Variants in PKD1L1 observed in about 807,000 individuals in gnomAD.
The protein encoded by PKD1L1 is polycystin-1-like protein 1.
A neutral mutation model predicts 323.4 loss-of-function variants in PKD1L1; 236 were observed. The ratio of observed to expected loss-of-function variants is 0.73; its 90% CI spans 0.66 to 0.81. The LOEUF (loss-of-function observed/expected upper bound fraction) is 0.81, where lower values mean the gene tolerates loss of function less well. Among genes scored for constraint, PKD1L1 ranks in the 40% least tolerant of loss-of-function variants. The probability of loss-of-function intolerance (pLI) is 0.00; values close to 1 mark genes in which losing one functional copy is unlikely to be tolerated. For missense variants in PKD1L1, 3,320 were observed against 3,508.0 expected, an observed-to-expected ratio of 0.95 and a Z score of 1.35; for synonymous variants, 1,344 against 1,335.0, an observed-to-expected ratio of 1.01 and a Z score of -0.15.
intron 3 of PKD1L1, among the ~76,000 whole-genome samples, chr7:47,938,565 G>A (rs916030607): frequency 6.6e-6 from 1 of 152,206 alleles, no homozygotes; most frequent in Admixed American, 6.5e-5. Context: ...TGCCCAGCAC[G>A]TCCAGGAGCT....
chr7:47,879,632 CAAA>C (rs1254218793), intron 21 of PKD1L1, among the ~76,000 whole-genome samples: 1 of 58,724 alleles, frequency 1.7e-5, no homozygotes. Context: ...GACTTTGTCT[CAAA>C]AAAAAAAAAA....
intron 6 of PKD1L1, among the ~76,000 whole-genome samples, chr7:47,930,301 C>T (rs936788849): frequency 1.3e-5 from 2 of 151,470 alleles, no homozygotes; most frequent in South Asian, 2.1e-4. Context: ...GTCAGGAGAT[C>T]GAGACCATTC....
At chr7:47,955,824 G>A in the PKD1L1 span, among the ~76,000 whole-genome samples, 1 of 152,278 alleles carries the variant, frequency 6.6e-6, no homozygotes, top group South Asian at 2.1e-4. Flanking sequence ...ATTCCCAATA[G>A]CACTGTCCCA....
intron 52 of PKD1L1, among the ~76,000 whole-genome samples, chr7:47,805,182 GA>G (rs1449129639): frequency 1.3e-5 from 2 of 152,118 alleles, no homozygotes; most frequent in Non-Finnish European, 2.9e-5. Context: ...AAGACTTGAA[GA>G]AAGTTAAGAA....
At chr7:47,790,535 G>A (rs923363452) in intron 56 of PKD1L1, among the ~76,000 whole-genome samples, 20 of 151,614 alleles carry the variant, frequency 1.3e-4, no homozygotes, top group Admixed American at 1.2e-3. Flanking sequence ...GTTTCACTGT[G>A]TTAGCCAGGA....
intron 55 of PKD1L1, among the ~76,000 whole-genome samples, chr7:47,794,959 AC>A (rs1784485984): frequency 6.6e-6 from 1 of 152,036 alleles, no homozygotes. Context: ...CAATCCCTGT[AC>A]CCCCATTGTA....
chr7:47,802,453 C>T (rs773482343), intron 53 of PKD1L1, among the ~76,000 whole-genome samples: 4 of 152,190 alleles, frequency 2.6e-5, no homozygotes, highest in Non-Finnish European at 5.9e-5. Context: ...CTGGTTTGCT[C>T]AGCATGTTCC....
intron 52 of PKD1L1, 81 bp downstream of exon 52, chr7:47,808,166 T>A: frequency 6.5e-7 from 1 of 1,528,160 alleles, no homozygotes; most frequent in Non-Finnish European, 9.0e-7. Flanking sequence ...TCGCACCTTC[T>A]AGAGTTTGTG....
chr7:47,894,063 C>T lies in PKD1L1; in HGVS notation c.2272-4G>A, dbSNP rs768741618. The T allele has an allele frequency of 6.5e-7, 1 of 1,547,072 alleles. No homozygotes were observed. The highest frequency in any genetic ancestry group is 2.3e-5 in the East Asian group (1 of 43,542). ...CCACACTGCCTTCAATCTGAACCTGCAGGGGCAAGGAAGGACAGGGGATGT... is the reference window on the plus strand; with the variant it reads ...CCACACTGCCTTCAATCTGAACCTGTAGGGGCAAGGAAGGACAGGGGATGT... On this transcript the variant is annotated splice_polypyrimidine_tract_variant and splice_region_variant and intron_variant, in intron 14 of 56. Transcript: ENST00000289672.
chr7:47,827,311 G>A lies in PKD1L1; in HGVS notation c.6854+39C>T, dbSNP rs369367641. On this transcript the variant is annotated intron_variant, in intron 45 of 56. Transcript: ENST00000289672. The stretch of plus-strand genomic sequence containing the variant: ...GGGTACTCCCTCCGAGAAGGGAGCT[G>A]GAGTGGAGCAAGCCCTCCCGACAGA... 8.3e-5 allele frequency: 126 copies of A among 1,522,626 alleles called. 1 individual carries two copies. Among genetic ancestry groups the A allele is most frequent in the Non-Finnish European group, 1.1e-4 (121 of 1,116,834 alleles). 94.3% of individuals were successfully genotyped at this position (1,522,626 alleles called of 1,614,324 possible). A position where few individuals can be genotyped will look rare whatever the true frequency, so the allele number is the denominator to read the frequency against.
At chr7:47,917,325 A>G (rs1787450344) in intron 7 of PKD1L1, among the ~76,000 whole-genome samples, 1 of 152,114 alleles carries the variant, frequency 6.6e-6, no homozygotes, top group Non-Finnish European at 1.5e-5. Flanking sequence ...GAAGTCTGGG[A>G]TTATGTTAAA....
intron 22 of PKD1L1, among the ~76,000 whole-genome samples, 185 bp from the exon 23 acceptor site, chr7:47,876,402 A>G (rs550713057): frequency 6.6e-6 from 1 of 152,230 alleles, no homozygotes; most frequent in Admixed American, 6.5e-5. Flanking sequence ...AGGGCTCTCC[A>G]TTCACCAAGC....
intron 50 of PKD1L1, among the ~76,000 whole-genome samples, chr7:47,811,508 G>T (rs1784894626): frequency 1.3e-5 from 2 of 152,180 alleles, no homozygotes; most frequent in Non-Finnish European, 1.5e-5. Context: ...ACAGCAGCCT[G>T]AGCTAAATCC....
chr7:47,811,228 A>G (rs368226401), intron 50 of PKD1L1, among the ~76,000 whole-genome samples: 3 of 147,372 alleles, frequency 2.0e-5, no homozygotes, highest in Admixed American at 7.0e-5. Flanking sequence ...ATCTCAGCTC[A>G]CTGCAACCTC....
intron 45 of PKD1L1, among the ~76,000 whole-genome samples, chr7:47,825,439 G>A (rs956624211): frequency 6.6e-6 from 1 of 151,658 alleles, no homozygotes; most frequent in African/African-American, 2.4e-5. Context: ...GCTGAGGCAG[G>A]AGAATCGCTT....
intron 53 of PKD1L1, 131 bp downstream of exon 53, chr7:47,803,079 G>A: frequency 2.7e-6 from 3 of 1,116,252 alleles, no homozygotes; most frequent in South Asian, 3.0e-5. Context: ...ACACTGTAAG[G>A]GATTAGAAGA....
chr7:47,952,920 T>C (rs1392820165), upstream of PKD1L1, among the ~76,000 whole-genome samples: 1 of 152,182 alleles, frequency 6.6e-6, no homozygotes, highest in Non-Finnish European at 1.5e-5. Flanking sequence ...TTCCATTGGC[T>C]TCAAAATAAA....
intron 56 of PKD1L1, among the ~76,000 whole-genome samples, chr7:47,788,128 T>A (rs1364496739): frequency 6.6e-6 from 1 of 152,036 alleles, no homozygotes; most frequent in African/African-American, 2.4e-5. Flanking sequence ...CCTATTTTTT[T>A]TAAAAATATC....
chr7:47,836,910 A>G lies in PKD1L1; in HGVS notation c.5943+11T>C. The G allele has an allele frequency of 6.2e-7, 1 of 1,611,568 alleles. No homozygotes were observed. Among genetic ancestry groups the G allele is most frequent in the Non-Finnish European group, 8.5e-7 (1 of 1,178,684 alleles). On this transcript the variant is annotated intron_variant, in intron 37 of 56. Coordinates refer to ENST00000289672, the MANE Select transcript of PKD1L1 (RefSeq NM_138295.5). ...CTGGAAGCTGCTATAAGGAAAAGCGATGGCTCTCACCTGCTCTTGCCCTCC... is the reference window on the plus strand; with the variant it reads ...CTGGAAGCTGCTATAAGGAAAAGCGGTGGCTCTCACCTGCTCTTGCCCTCC...
Sources: gnomAD v4.1 joint callset for allele counts (sites outside exome capture counted in the v4.1 genomes callset) on GRCh38, gnomAD v4.1.1 for gene constraint, MANE v1.5 for transcripts, NCBI Gene and HGNC (gene_info 2026-07-23, HGNC 2026-07-21) for gene names.